Variants in GRM7 observed in about 807,000 individuals in gnomAD.
The protein encoded by GRM7 is metabotropic glutamate receptor 7.
Under a neutral mutation model 84.5 loss-of-function variants are expected in GRM7, and 35 were observed. The observed-to-expected ratio is 0.41, with a 90% CI of 0.32 to 0.55. GRM7 has a LOEUF of 0.55. GRM7 is among the 20% of genes least tolerant of loss of function. The pLI is 0.19. For missense variants in GRM7, 1,003 were observed against 1,194.6 expected, an observed-to-expected ratio of 0.84 and a Z score of 2.36; for synonymous variants, 487 against 455.1, an observed-to-expected ratio of 1.07 and a Z score of -0.89.
intron 2 of GRM7, among the ~76,000 whole-genome samples, chr3:7,159,180 A>C (rs147220547): frequency 1.3e-5 from 2 of 152,368 alleles, no homozygotes; most frequent in East Asian, 3.9e-4. Context: ...GAACCAAAAC[A>C]TTAAAGAAAT....
At chr3:7,178,999 G>A (rs1044834719) in intron 2 of GRM7, among the ~76,000 whole-genome samples, 3 of 152,032 alleles carry the variant, frequency 2.0e-5, no homozygotes, top group Admixed American at 6.6e-5. Context: ...CTAGTTACTC[G>A]GGAGGCTGAG....
At chr3:7,382,722 A>T (rs556726543) in intron 4 of GRM7, among the ~76,000 whole-genome samples, 2 of 152,350 alleles carry the variant, frequency 1.3e-5, no homozygotes, top group Admixed American at 1.3e-4. Context: ...ATCTTGTTTA[A>T]TTAGTTGAGA....
intron 7 of GRM7, among the ~76,000 whole-genome samples, chr3:7,553,894 A>G (rs570607663): frequency 2.6e-5 from 4 of 152,304 alleles, no homozygotes; most frequent in African/African-American, 7.2e-5. Flanking sequence ...CATTTATTGT[A>G]TCTTCTTGAA....
intron 9 of GRM7, among the ~76,000 whole-genome samples, chr3:7,717,658 C>A (rs1701811002): frequency 5.8e-5 from 1 of 17,226 alleles, no homozygotes; most frequent in African/African-American, 8.8e-4. Context: ...TGTTGGCAAC[C>A]TCTAGCTTAG....
rs137934175 is a variant in GRM7, at chr3:6,988,308, C to A, written c.519+126401C>A. Among the ~76,000 whole-genome samples, 357 of 151,612 alleles carry A rather than the reference C, an allele frequency of 2.4e-3. 8 individuals are homozygous for A. In the East Asian group the frequency reaches 0.041, roughly 17 times the overall value. ...ACAGGCGTGATCCACTGCGCCCAGC[C>A]CACCTCTAGCTTTTGCAGGTCATCA... On this transcript the variant is annotated intron_variant, in intron 1 of 9. Transcript: ENST00000357716.
chr3:7,098,169 C>A (rs1479434790), intron 1 of GRM7, among the ~76,000 whole-genome samples: 1 of 151,970 alleles, frequency 6.6e-6, no homozygotes, highest in Non-Finnish European at 1.5e-5. Flanking sequence ...GATCATTCAA[C>A]TTTGTGTGTT....
chr3:7,177,290 T>C (rs1031962270), intron 2 of GRM7, among the ~76,000 whole-genome samples: 1 of 152,150 alleles, frequency 6.6e-6, no homozygotes, highest in East Asian at 1.9e-4. Flanking sequence ...ACATCTTCTG[T>C]TTGTCTAGAA....
At chr3:7,022,197 C>T (rs910120763) in intron 1 of GRM7, among the ~76,000 whole-genome samples, 4 of 151,662 alleles carry the variant, frequency 2.6e-5, no homozygotes, top group Admixed American at 6.6e-5. Flanking sequence ...TATGGTGGTG[C>T]GCATGTGTAG....
intron 2 of GRM7, among the ~76,000 whole-genome samples, chr3:7,149,171 C>A (rs902138236): frequency 9.9e-5 from 15 of 152,076 alleles, no homozygotes; most frequent in Admixed American, 8.5e-4. Flanking sequence ...GCAAACACCC[C>A]TTCTTTTCAA....
intron 7 of GRM7, among the ~76,000 whole-genome samples, chr3:7,468,495 A>G (rs1453825775): frequency 4.6e-5 from 7 of 152,184 alleles, no homozygotes; most frequent in Non-Finnish European, 8.8e-5. Flanking sequence ...AATATATATA[A>G]CATGCTAAAA....
chr3:7,437,442 C>T (rs780221702), intron 5 of GRM7, among the ~76,000 whole-genome samples: 3 of 152,188 alleles, frequency 2.0e-5, no homozygotes, highest in Non-Finnish European at 4.4e-5. Flanking sequence ...AGATAATCCT[C>T]ACTGCTACCG....
At chr3:7,179,806 A>G (rs918349932) in intron 2 of GRM7, among the ~76,000 whole-genome samples, 9 of 152,310 alleles carry the variant, frequency 5.9e-5, no homozygotes, top group Admixed American at 5.9e-4. Flanking sequence ...CCAGGAATTA[A>G]GTGCATTTGA....
At chr3:6,924,842 C>T (rs975150996) in intron 1 of GRM7, among the ~76,000 whole-genome samples, 4 of 152,128 alleles carry the variant, frequency 2.6e-5, no homozygotes, top group African/African-American at 9.7e-5. Context: ...TGCCTCCATA[C>T]CTGGATCATT....
At chr3:7,513,961 T>G (rs1040199053) in intron 7 of GRM7, among the ~76,000 whole-genome samples, 1 of 152,220 alleles carries the variant, frequency 6.6e-6, no homozygotes, top group African/African-American at 2.4e-5. Flanking sequence ...AAAGGCAATA[T>G]TTCACTTTAG....
intron 7 of GRM7, among the ~76,000 whole-genome samples, chr3:7,537,241 C>T (rs551403896): frequency 1.3e-5 from 2 of 152,252 alleles, no homozygotes; most frequent in African/African-American, 2.4e-5. Context: ...ATTTTAATCT[C>T]TTCTTCTTTC....
intron 8 of GRM7, among the ~76,000 whole-genome samples, chr3:7,674,609 G>T (rs1700055440): frequency 6.6e-6 from 1 of 152,180 alleles, no homozygotes; most frequent in Non-Finnish European, 1.5e-5. Context: ...TGTGTGGTAA[G>T]GAAACTTAAA....
At chr3:7,195,505 G>T (rs1311601527) in intron 2 of GRM7, among the ~76,000 whole-genome samples, 2 of 152,120 alleles carry the variant, frequency 1.3e-5, no homozygotes, top group African/African-American at 4.8e-5. Flanking sequence ...CTTCATGCAA[G>T]TTCTAAAGTA....
chr3:7,433,281 T>A lies in GRM7; in HGVS notation c.1174+18118T>A, dbSNP rs147346058. Among the ~76,000 whole-genome samples, 440 of 152,350 alleles carry A rather than the reference T, an allele frequency of 2.9e-3. 3 individuals are homozygous for A. The highest frequency in any genetic ancestry group is 9.3e-3 in the Admixed American group (142 of 15,304). ...CCATGGAAAACATTGTGTTTGCACA[T>A]GAGTTATTTGGCATAATAGTGATGC... On this transcript the variant is annotated intron_variant, in intron 5 of 9. Coordinates refer to ENST00000357716, the MANE Select transcript of GRM7 (RefSeq NM_000844.4).
intron 5 of GRM7, among the ~76,000 whole-genome samples, chr3:7,446,966 A>G (rs1236936795): frequency 6.6e-6 from 1 of 151,286 alleles, no homozygotes; most frequent in Non-Finnish European, 1.5e-5. Flanking sequence ...GAAAGAATTT[A>G]TGGGTTATTC....
Sources: gnomAD v4.1 joint callset for allele counts (sites outside exome capture counted in the v4.1 genomes callset) on GRCh38, gnomAD v4.1.1 for gene constraint, MANE v1.5 for transcripts, NCBI Gene and HGNC (gene_info 2026-07-23, HGNC 2026-07-21) for gene names.